FBXL17: variants seen among roughly 807,000 people sequenced by gnomAD.
FBXL17 encodes the protein F-box/LRR-repeat protein 17.
Under a neutral mutation model 66.2 loss-of-function variants are expected in FBXL17, and 22 were observed. The observed-to-expected ratio is 0.33, with a 90% CI of 0.24 to 0.47. The LOEUF is 0.47. FBXL17 is among the 20% of genes least tolerant of loss of function. The pLI is 1.00. For synonymous variants in FBXL17, 474 were observed against 400.5 expected, an observed-to-expected ratio of 1.18 and a Z score of -2.19; for missense variants, 878 against 948.2, an observed-to-expected ratio of 0.93 and a Z score of 0.97.
At chr5:108,036,385 T>C (rs1050027497) in intron 6 of FBXL17, among the ~76,000 whole-genome samples, 4 of 152,198 alleles carry the variant, frequency 2.6e-5, no homozygotes, top group African/African-American at 9.7e-5. Context: ...AATAAACTTC[T>C]GAATATGGAT....
intron 4 of FBXL17, among the ~76,000 whole-genome samples, chr5:108,316,408 T>G (rs1759365204): frequency 6.6e-6 from 1 of 151,450 alleles, no homozygotes; most frequent in Non-Finnish European, 1.5e-5. Flanking sequence ...GATTAAATAT[T>G]AAACCTAAAA....
At chr5:107,872,706 T>C (rs562499957) in intron 8 of FBXL17, among the ~76,000 whole-genome samples, 1 of 152,190 alleles carries the variant, frequency 6.6e-6, no homozygotes, top group East Asian at 1.9e-4. Context: ...GTAGGAAGGG[T>C]AAAAATTCAC....
intron 7 of FBXL17, among the ~76,000 whole-genome samples, chr5:107,882,719 T>C: frequency 6.6e-6 from 1 of 152,202 alleles, no homozygotes; most frequent in Admixed American, 6.5e-5. Context: ...ATGACTTTCA[T>C]TGGTTATGAT....
chr5:108,260,672 G>T (rs1480291525), intron 4 of FBXL17, among the ~76,000 whole-genome samples: 1 of 152,092 alleles, frequency 6.6e-6, no homozygotes, highest in Admixed American at 6.6e-5. Flanking sequence ...TGGAATTGCT[G>T]CCACTGTCTT....
chr5:108,180,141 C>T (rs560727042), intron 6 of FBXL17, among the ~76,000 whole-genome samples: 98 of 152,284 alleles, frequency 6.4e-4, no homozygotes, highest in South Asian at 1.9e-3. Flanking sequence ...CCAAACAAAA[C>T]AGCTTTGTGG....
chr5:108,170,233 AT>A (rs568719207), intron 6 of FBXL17, among the ~76,000 whole-genome samples: 2 of 152,202 alleles, frequency 1.3e-5, no homozygotes, highest in Non-Finnish European at 2.9e-5. Flanking sequence ...CCAAATGAAA[AT>A]AGCTCTCAAA....
At chr5:108,073,623 T>C (rs1027704583) in intron 6 of FBXL17, among the ~76,000 whole-genome samples, 1 of 152,058 alleles carries the variant, frequency 6.6e-6, no homozygotes, top group Non-Finnish European at 1.5e-5. Context: ...AAGACAAACA[T>C]AACGAGGCTT....
intron 6 of FBXL17, among the ~76,000 whole-genome samples, chr5:108,107,125 G>A (rs929993667): frequency 3.1e-4 from 47 of 152,256 alleles, no homozygotes; most frequent in Admixed American, 2.2e-3. Context: ...AGGCTGGAGT[G>A]CAGTGGTGAG....
chr5:108,126,358 T>G (rs1750696333), intron 6 of FBXL17, among the ~76,000 whole-genome samples: 2 of 152,226 alleles, frequency 1.3e-5, no homozygotes, highest in Admixed American at 1.3e-4. Flanking sequence ...TATTTTCATT[T>G]AAGATTCAGT....
chr5:108,373,378 A>ATATT (rs1749195975), intron 1 of FBXL17, among the ~76,000 whole-genome samples: 6 of 106,556 alleles, frequency 5.6e-5, no homozygotes, highest in Non-Finnish European at 7.7e-5. Context: ...ATAAATATAT[A>ATATT]TCTAAATATA....
At chr5:108,025,680 TACACACAC>T (rs151215184) in intron 6 of FBXL17, among the ~76,000 whole-genome samples, 2 of 130,080 alleles carry the variant, frequency 1.5e-5, no homozygotes, top group African/African-American at 3.0e-5. Context: ...CTACAACACA[TACACACAC>T]ACACACACAC....
intron 7 of FBXL17, among the ~76,000 whole-genome samples, chr5:108,015,468 T>C (rs1187133875): frequency 6.6e-6 from 1 of 152,074 alleles, no homozygotes; most frequent in Non-Finnish European, 1.5e-5. Context: ...CAGTTTAAAA[T>C]ACTATTTAAA....
intron 4 of FBXL17, among the ~76,000 whole-genome samples, chr5:108,246,177 A>G (rs1173686622): frequency 1.3e-5 from 2 of 152,132 alleles, no homozygotes; most frequent in Non-Finnish European, 2.9e-5. Context: ...CCCCCTCCTC[A>G]TAATTTCAAA....
intron 7 of FBXL17, among the ~76,000 whole-genome samples, chr5:107,911,319 G>T (rs183898914): frequency 5.3e-5 from 8 of 151,970 alleles, no homozygotes; most frequent in Non-Finnish European, 1.2e-4. Flanking sequence ...TTCATGTTTC[G>T]TGTATTAAAA....
At chr5:108,105,066 C>T (rs1749741966) in intron 6 of FBXL17, among the ~76,000 whole-genome samples, 2 of 152,182 alleles carry the variant, frequency 1.3e-5, no homozygotes, top group African/African-American at 4.8e-5. Flanking sequence ...TGGTCTGGAT[C>T]TCCTGACCTT....
intron 6 of FBXL17, among the ~76,000 whole-genome samples, chr5:108,129,886 TTTA>T (rs1381646901): frequency 6.6e-6 from 1 of 151,794 alleles, no homozygotes; most frequent in Non-Finnish European, 1.5e-5. Context: ...CAGTTCTTTT[TTTA>T]ATCTAAATAA....
At chr5:108,204,640 A>T (rs1754037093) in intron 5 of FBXL17, among the ~76,000 whole-genome samples, 1 of 152,178 alleles carries the variant, frequency 6.6e-6, no homozygotes, top group Non-Finnish European at 1.5e-5. Context: ...CATTTTTGGC[A>T]TTTCAGACTC....
chr5:107,915,555 A>C (rs1750100431), intron 7 of FBXL17, among the ~76,000 whole-genome samples: 1 of 152,240 alleles, frequency 6.6e-6, no homozygotes, highest in East Asian at 1.9e-4. Context: ...TATGAAAGTA[A>C]TGAGATGTTT....
At chr5:108,155,889 G>C (rs1380508362) in intron 6 of FBXL17, among the ~76,000 whole-genome samples, 3 of 151,986 alleles carry the variant, frequency 2.0e-5, no homozygotes, top group African/African-American at 7.3e-5. Flanking sequence ...TCTGCATTTT[G>C]CTTTTAAAAT....
Sources: allele counts gnomAD v4.1 joint callset (sites outside exome capture counted in the v4.1 genomes callset), GRCh38; gene constraint gnomAD v4.1.1; transcripts MANE v1.5; gene names NCBI Gene and HGNC (gene_info 2026-07-23, HGNC 2026-07-21).